FSHR: variants seen among roughly 807,000 people sequenced by gnomAD.
FSHR encodes the protein follicle-stimulating hormone receptor.
In FSHR, 46 loss-of-function variants were observed where a neutral mutation model predicts 52.1. The observed-to-expected ratio is 0.88, with a 90% CI of 0.70 to 1.13. The LOEUF is 1.13. Among genes scored for constraint, FSHR ranks in the 50% most tolerant of loss-of-function variants. The pLI is 0.00. For synonymous variants in FSHR, 399 were observed against 309.6 expected (o/e 1.29, Z -3.03); for missense variants, 964 against 834.6 (o/e 1.16, Z -1.91).
chr2:49,119,894 G>GT (rs1035923956), intron 1 of FSHR, among the ~76,000 whole-genome samples: 2 of 152,164 alleles, frequency 1.3e-5, no homozygotes, highest in African/African-American at 4.8e-5. Context: ...ACATTGTAGG[G>GT]TTACCGTGAG....
At chr2:49,069,906 T>A (rs1337726257) in intron 1 of FSHR, among the ~76,000 whole-genome samples, 2 of 152,170 alleles carry the variant, frequency 1.3e-5, no homozygotes, top group African/African-American at 2.4e-5. Flanking sequence ...CATAAATATT[T>A]TATTGCTTTA....
At chr2:48,966,068 A>G (rs1159141855) in intron 9 of FSHR, among the ~76,000 whole-genome samples, 1 of 152,070 alleles carries the variant, frequency 6.6e-6, no homozygotes, top group African/African-American at 2.4e-5. Context: ...GTGTAGGTCA[A>G]GTTATTTAGT....
rs145580492 is a variant in FSHR, at chr2:49,004,882, T to C, written c.374+12607A>G. ...TACAACTACCTTGTAAGAAGGCATA[T>C]CCTATGAAAATAAAATTGCACCGAA... On this transcript the variant is annotated intron_variant, in intron 4 of 9. Coordinates refer to ENST00000406846, the MANE Select transcript of FSHR (RefSeq NM_000145.4). Among the ~76,000 whole-genome samples, 1,438 of 152,212 alleles carry C rather than the reference T, an allele frequency of 9.4e-3. 17 individuals carry two copies. The highest frequency in any genetic ancestry group is 0.02 in the Middle Eastern group (6 of 294).
chr2:49,060,655 T>A (rs1334217989), intron 2 of FSHR, among the ~76,000 whole-genome samples: 9 of 152,172 alleles, frequency 5.9e-5, no homozygotes, highest in Admixed American at 5.9e-4. Flanking sequence ...TGTTATAGTA[T>A]CCTGCCGCCC....
intron 2 of FSHR, among the ~76,000 whole-genome samples, chr2:49,055,512 C>T (rs989956521): frequency 3.0e-5 from 3 of 98,466 alleles, no homozygotes; most frequent in Non-Finnish European, 5.5e-5. Context: ...GAGAGATGAA[C>T]ATCCAGATCC....
intron 9 of FSHR, among the ~76,000 whole-genome samples, chr2:48,966,169 T>A (rs1674469466): frequency 6.6e-6 from 1 of 152,200 alleles, no homozygotes; most frequent in Non-Finnish European, 1.5e-5. Flanking sequence ...TACAGAGTAT[T>A]ACAGTGCTTG....
chr2:49,023,935 T>C (rs1667829894), intron 2 of FSHR, among the ~76,000 whole-genome samples: 1 of 152,058 alleles, frequency 6.6e-6, no homozygotes, highest in Admixed American at 6.6e-5. Flanking sequence ...GTACATTTGA[T>C]GGAGGGTTGG....
chr2:49,097,727 C>T (rs1484580899), intron 1 of FSHR, among the ~76,000 whole-genome samples: 3 of 152,096 alleles, frequency 2.0e-5, no homozygotes, highest in Non-Finnish European at 4.4e-5. Flanking sequence ...TGAAGTTTAA[C>T]ATCGGTCCTG....
chr2:49,007,671 C>A (rs1464202536), intron 4 of FSHR, among the ~76,000 whole-genome samples: 1 of 151,940 alleles, frequency 6.6e-6, no homozygotes, highest in East Asian at 1.9e-4. Flanking sequence ...AGTAGATGTC[C>A]TAAAGAAGCA....
chr2:48,963,231 A>C lies in FSHR; in HGVS notation c.1590T>G (p.Tyr530Ter). The change falls in exon 10 of 10, where the codon TAT becomes TAG. Residue 530 changes from tyrosine to a stop codon, truncating the protein, a stop_gained. Transcript: ENST00000406846. LOFTEE classifies it high-confidence loss of function. ...CATTGAGCACAAGGAGGGACATGAC[A>C]TACAGCTGTGACAAAGGGCTGTCAA... is the stretch of plus-strand genomic sequence containing the variant. ...MDIDSPLSQL[Y>*]VMSLLVLNVL... is the part of the protein sequence containing the mutation. 6.2e-7 allele frequency: 1 copy of C among 1,614,186 alleles called. No homozygotes were observed. The highest frequency in any genetic ancestry group is 8.5e-7 in the Non-Finnish European group (1 of 1,180,024).
chr2:49,078,434 T>C (rs1670035734), intron 1 of FSHR, among the ~76,000 whole-genome samples: 1 of 152,180 alleles, frequency 6.6e-6, no homozygotes. Context: ...CCAACCCTTT[T>C]TATGTGGTTA....
intron 1 of FSHR, among the ~76,000 whole-genome samples, chr2:49,073,635 G>A (rs1669836446): frequency 6.6e-6 from 1 of 151,996 alleles, no homozygotes; most frequent in Non-Finnish European, 1.5e-5. Context: ...GCAATCTACA[G>A]ATTCAATGCA....
At chr2:49,018,632 G>T (rs995213626) in intron 3 of FSHR, among the ~76,000 whole-genome samples, 1 of 152,160 alleles carries the variant, frequency 6.6e-6, no homozygotes, top group Non-Finnish European at 1.5e-5. Flanking sequence ...ATGTCTGTGG[G>T]TTCTTCCCAA....
rs1265222618 is a variant in FSHR, at chr2:48,962,910, G to T, written c.1911C>A (p.Phe637Leu). Reference sequence around the variant, plus strand: ...AGCCACACTTGCTCAGCAGAATGAAGAAATCTCTGCGAAAGTTTTTGGTAA... The same window carrying T: ...AGCCACACTTGCTCAGCAGAATGAATAAATCTCTGCGAAAGTTTTTGGTAA... ...AIFTKNFRRD[F>L]FILLSKCGCY... is the part of the protein sequence containing the mutation. Residue 637 changes from phenylalanine (F) to leucine (L), a missense_variant, in exon 10 of 10, where the codon TTC becomes TTA. Coordinates refer to ENST00000406846, the MANE Select transcript of FSHR (RefSeq NM_000145.4). 6.2e-7 allele frequency: 1 copy of T among 1,614,140 alleles called. No individual in the cohort carries two copies.
intron 4 of FSHR, among the ~76,000 whole-genome samples, chr2:49,012,692 A>T (rs183241386): frequency 2.0e-5 from 3 of 152,264 alleles, no homozygotes; most frequent in Admixed American, 6.5e-5. Flanking sequence ...AAACAAAACC[A>T]ACAACTCAAT....
rs145345199 is a variant in FSHR, at chr2:49,088,354, G to T, written c.153-20064C>A. 1.3e-3 allele frequency among the ~76,000 whole-genome samples: 197 copies of T among 152,318 alleles called. 3 individuals are homozygous for T. In the East Asian group the frequency reaches 0.031, roughly 24 times the overall value. ...CAGCAGTCATGCGAGGTTGTGCTGGGACTTTGAGGAAACACAAAGATGCCC... is the reference window on the plus strand; with the variant it reads ...CAGCAGTCATGCGAGGTTGTGCTGGTACTTTGAGGAAACACAAAGATGCCC... On this transcript the variant is annotated intron_variant, in intron 1 of 9. Coordinates refer to ENST00000406846, the MANE Select transcript of FSHR (RefSeq NM_000145.4).
intron 1 of FSHR, among the ~76,000 whole-genome samples, chr2:49,111,099 C>T (rs1280405080): frequency 2.6e-5 from 4 of 152,144 alleles, no homozygotes; most frequent in Non-Finnish European, 4.4e-5. Context: ...TTGTCTTTGT[C>T]TGGATTAGTT....
At chr2:49,131,973 C>T (rs1672295136) in intron 1 of FSHR, among the ~76,000 whole-genome samples, 1 of 152,158 alleles carries the variant, frequency 6.6e-6, no homozygotes, top group Admixed American at 6.6e-5. Context: ...CTCTGCCCAT[C>T]CTATCCTTAT....
At chr2:48,984,581 T>A (rs1675402910) in intron 6 of FSHR, among the ~76,000 whole-genome samples, 1 of 90,146 alleles carries the variant, frequency 1.1e-5, no homozygotes, top group Non-Finnish European at 3.0e-5. Flanking sequence ...GTGTAATAAT[T>A]GGGTATTTTT....
Sources: allele counts gnomAD v4.1 joint callset (sites outside exome capture counted in the v4.1 genomes callset), GRCh38; gene constraint gnomAD v4.1.1; transcripts MANE v1.5; gene names NCBI Gene and HGNC (gene_info 2026-07-23, HGNC 2026-07-21).